Variants in EZH1 observed in about 807,000 individuals in gnomAD.
EZH1 encodes the protein histone-lysine N-methyltransferase EZH1.
EZH1 carries 33 observed loss-of-function variants against 100.5 expected under a neutral mutation model. The ratio of observed to expected loss-of-function variants is 0.33; its 90% CI spans 0.25 to 0.44. The LOEUF is 0.44. EZH1 is among the 20% of genes least tolerant of loss of function. EZH1 has a pLI of 1.00. For missense variants in EZH1, 475 were observed against 928.4 expected, an observed-to-expected ratio of 0.51 and a Z score of 6.35; for synonymous variants, 272 against 313.8, an observed-to-expected ratio of 0.87 and a Z score of 1.41.
Position 42,719,087 on chromosome 17 carries a change from T to C in EZH1, c.767+18A>G. On this transcript the variant is annotated intron_variant, in intron 8 of 20. Transcript: ENST00000428826. ...CCGAGCACTCTGTATATGGCCTAAG[T>C]GGGACAGCTTTCCCTACCTCTCCTT... 6.3e-7 allele frequency: 1 copy of C among 1,593,788 alleles called. No homozygotes were observed.
intron 4 of EZH1, among the ~76,000 whole-genome samples, chr17:42,726,952 A>G (rs985695269): frequency 5.3e-5 from 8 of 151,006 alleles, no homozygotes; most frequent in Non-Finnish European, 7.4e-5. Context: ...TAGGTTCAAG[A>G]GGTTCTCAGG....
intron 6 of EZH1, 33 bp from the exon 7 acceptor site, chr17:42,720,482 G>C: frequency 6.3e-7 from 1 of 1,584,028 alleles, no homozygotes; most frequent in Non-Finnish European, 8.6e-7. Context: ...ATGAGCAGTG[G>C]TCACTTCACA....
chr17:42,722,250 G>A (rs1174126109), intron 6 of EZH1, among the ~76,000 whole-genome samples: 1 of 151,122 alleles, frequency 6.6e-6, no homozygotes. Flanking sequence ...CCAGGAGGCT[G>A]AGGCTACAAT....
chr17:42,720,615 C>CA (rs758321908), intron 6 of EZH1, among the ~76,000 whole-genome samples, 166 bp from the exon 7 acceptor site: 5 of 152,166 alleles, frequency 3.3e-5, no homozygotes, highest in Non-Finnish European at 7.4e-5. Context: ...CCTACACATG[C>CA]AGTGGGCAGC....
chr17:42,727,848 C>G (rs1048375852), intron 3 of EZH1, 85 bp from the exon 4 acceptor site: 12 of 1,017,376 alleles, frequency 1.2e-5, no homozygotes, highest in Middle Eastern at 7.8e-4. Flanking sequence ...GAGTCTTGCT[C>G]TGTTGTCACC....
chr17:42,739,634 G>C (rs1757868916), intron 1 of EZH1, among the ~76,000 whole-genome samples: 1 of 151,994 alleles, frequency 6.6e-6, no homozygotes, highest in Admixed American at 6.6e-5. Context: ...GGCTGAAGCA[G>C]GAGAATCGCT....
At chr17:42,709,077 TC>T in intron 13 of EZH1, 161 bp from the exon 14 acceptor site, 1 of 717,352 alleles carries the variant, frequency 1.4e-6, no homozygotes, top group Non-Finnish European at 2.4e-6. Flanking sequence ...GAAGCTAGAG[TC>T]CATCCTAAAT....
rs540710876 is a variant in EZH1, at chr17:42,718,167, G to A, written c.932-100C>T. The A allele has an allele frequency of 1.8e-5, 20 of 1,088,630 alleles. No individual in the cohort carries two copies. The African/African-American group carries it at 2.9e-4, about 16-fold the overall frequency. The allele number at this position is 1,088,630 out of a possible 1,614,324, so 67.4% of individuals were successfully genotyped here. On this transcript the variant is annotated intron_variant, in intron 9 of 20. Transcript: ENST00000428826. The surrounding 1 kb of genome is among the most constrained non-coding windows in gnomAD (Gnocchi z 4.2). Reference sequence around the variant, plus strand: ...AGAGCTATTGTAGGAGTTAGAATTCGATATAAACGGCTACCATCAGGGTGC... The same window carrying A: ...AGAGCTATTGTAGGAGTTAGAATTCAATATAAACGGCTACCATCAGGGTGC...
intron 12 of EZH1, among the ~76,000 whole-genome samples, chr17:42,711,253 C>T (rs1052329023): frequency 1.3e-5 from 2 of 152,154 alleles, no homozygotes; most frequent in Non-Finnish European, 2.9e-5. Context: ...GCGGGTGGAT[C>T]ACCTGAGGTC....
intron 7 of EZH1, among the ~76,000 whole-genome samples, chr17:42,720,036 T>G (rs535154890): frequency 5.3e-5 from 8 of 152,322 alleles, no homozygotes; most frequent in African/African-American, 1.9e-4. Context: ...TGATCCCAAT[T>G]TCACATGAGA....
chr17:42,705,978 T>C (rs2053346070), intron 16 of EZH1, 29 bp downstream of exon 16: 2 of 1,565,564 alleles, frequency 1.3e-6, no homozygotes, highest in African/African-American at 2.7e-5. Context: ...CCATTTTATG[T>C]GGTGTGGGGT....
chr17:42,705,458 A>C (rs2053333497), intron 16 of EZH1: 1 of 299,316 alleles, frequency 3.3e-6, no homozygotes, highest in East Asian at 8.1e-5. Context: ...TGAGGTAAAC[A>C]TAGACATCAC....
At chr17:42,713,780 A>T (rs1416791352) in intron 10 of EZH1, among the ~76,000 whole-genome samples, 1 of 152,192 alleles carries the variant, frequency 6.6e-6, no homozygotes, top group East Asian at 1.9e-4. Flanking sequence ...TAATCTTAAA[A>T]AAGATATAAT....
rs1201901871 is a variant in EZH1 at position 42,702,145 on chromosome 17, C to G, written c.*387G>C. ...CCTGCATCCCAATAACATAAGGACT[C>G]TTGATGTGGAAAGCTACAATTACAG... On this transcript the variant is annotated 3_prime_UTR_variant, in exon 21 of 21. Transcript: ENST00000428826. 1 of 184,778 alleles carries G rather than the reference C, an allele frequency of 5.4e-6. No homozygotes were observed. The highest frequency in any genetic ancestry group is 5.5e-5 in the Admixed American group (1 of 18,142). 11.4% of individuals were successfully genotyped at this position (184,778 alleles called of 1,614,324 possible).
chr17:42,726,669 G>A (rs1461728544), intron 4 of EZH1, among the ~76,000 whole-genome samples: 1 of 150,344 alleles, frequency 6.7e-6, no homozygotes, highest in Admixed American at 6.6e-5. Flanking sequence ...GTGCCACCAT[G>A]CCTGGCTAAT....
intron 1 of EZH1, among the ~76,000 whole-genome samples, chr17:42,731,261 G>A (rs531484893): frequency 6.6e-6 from 1 of 151,952 alleles, no homozygotes; most frequent in Non-Finnish European, 1.5e-5. Flanking sequence ...GGGACTATAG[G>A]CGCGCACCAC....
intron 10 of EZH1, among the ~76,000 whole-genome samples, chr17:42,715,050 A>ATATG (rs1376963540): frequency 7.2e-6 from 1 of 139,644 alleles, no homozygotes; most frequent in East Asian, 2.0e-4. Flanking sequence ...TATATATTAT[A>ATATG]TATGTATTTA....
intron 5 of EZH1, 117 bp downstream of exon 5, chr17:42,724,188 C>T (rs772436362): frequency 1.7e-6 from 2 of 1,209,916 alleles, no homozygotes; most frequent in Non-Finnish European, 2.4e-6. Context: ...TTGTTCTGCC[C>T]TGCATGTCCT....
rs377297295 is a variant in EZH1 at position 42,712,317 on chromosome 17, C to T, written c.1373G>A (p.Arg458Lys). The change falls in exon 12 of 21, where the codon AGG (arginine) becomes AAG (lysine). Residue 458 changes from arginine (R) to lysine (K), a missense_variant. Arg to Lys is a conservative substitution (Grantham distance 26). Coordinates refer to ENST00000428826, the MANE Select transcript of EZH1 (RefSeq NM_001991.5). ...TYFNNFCSIA[R>K]LLGTKTCKQV... ...CTTGCACGTCTTGGTCCCCAGAAGC[C>T]TGGCTATTGAACAGAAGTTGTTGAA... The T allele has an allele frequency of 6.2e-7, 1 of 1,614,018 alleles. No homozygotes were observed. Among genetic ancestry groups the T allele is most frequent in the Non-Finnish European group, 8.5e-7 (1 of 1,180,024 alleles).
Sources: gnomAD v4.1 joint callset for allele counts (sites outside exome capture counted in the v4.1 genomes callset) on GRCh38, gnomAD v4.1.1 for gene constraint, Gnocchi (gnomAD v3.1) non-coding constraint, MANE v1.5 for transcripts, NCBI Gene and HGNC (gene_info 2026-07-23, HGNC 2026-07-21) for gene names.